Variants in NXPE2 observed in about 807,000 individuals in gnomAD.
The protein encoded by NXPE2 is neurexophilin and PC-esterase domain family member 2.
A neutral mutation model predicts 34.4 loss-of-function variants in NXPE2; 34 were observed. The observed-to-expected ratio is 0.99, with a 90% CI of 0.75 to 1.31. The LOEUF is 1.31. Among genes scored for constraint, NXPE2 ranks in the 40% most tolerant of loss-of-function variants. The pLI is 0.00. For missense variants in NXPE2, 649 were observed against 672.5 expected, an observed-to-expected ratio of 0.97 and a Z score of 0.39; for synonymous variants, 235 against 231.3, an observed-to-expected ratio of 1.02 and a Z score of -0.15.
At chr11:114,630,687 C>A in the NXPE2 span, among the ~76,000 whole-genome samples, 2 of 150,956 alleles carry the variant, frequency 1.3e-5, no homozygotes, top group African/African-American at 4.9e-5. Context: ...TCTAATTAAA[C>A]TAAAGAGCTT....
At chr11:114,619,139 G>A in the NXPE2 span, among the ~76,000 whole-genome samples, 1 of 152,030 alleles carries the variant, frequency 6.6e-6, no homozygotes, top group East Asian at 1.9e-4. Context: ...GGTAACCACT[G>A]TTACCCAGTG....
the NXPE2 span, among the ~76,000 whole-genome samples, chr11:114,557,634 CATATATATATATATATATATATATAT>C: frequency 4.7e-5 from 6 of 128,452 alleles, no homozygotes; most frequent in Admixed American, 8.4e-5. Context: ...ATATATAATA[CATATATATATATATATATATATATAT>C]ATATATATAT....
At chr11:114,778,296 A>G in the NXPE2 span, among the ~76,000 whole-genome samples, 1 of 152,204 alleles carries the variant, frequency 6.6e-6, no homozygotes. Flanking sequence ...AGGATGAGAG[A>G]GTTAGACAGG....
At chr11:114,569,660 C>T in the NXPE2 span, among the ~76,000 whole-genome samples, 3 of 152,204 alleles carry the variant, frequency 2.0e-5, no homozygotes, top group South Asian at 4.2e-4. Context: ...CTGGGTCTTG[C>T]GCTGTCACTC....
chr11:114,745,703 A>T, the NXPE2 span, among the ~76,000 whole-genome samples: 3 of 152,212 alleles, frequency 2.0e-5, no homozygotes, highest in Non-Finnish European at 4.4e-5. Context: ...TGTGACTTTA[A>T]ATTCCATGAG....
Position 114,706,752 on chromosome 11 carries a change from T to C in NXPE2, c.1502T>C (p.Met501Thr), listed in dbSNP as rs1320972199. 3 of 1,552,270 alleles carry C rather than the reference T, an allele frequency of 1.9e-6. No individual in the cohort carries two copies. In the African/African-American group the frequency reaches 4.1e-5, roughly 21 times the overall value. Residue 501 changes from methionine to threonine, a missense_variant, in exon 6 of 6, where the codon ATG becomes ACG. Transcript: ENST00000389586. The stretch of plus-strand genomic sequence containing the variant: ...AGAGAGATAGAACAAAATGCAGAGA[T>C]GTTCAGTGACTTTCATGGCTATATT... Reference protein sequence around the residue: ...NTREIEQNAEMFSDFHGYIQN... With the variant: ...NTREIEQNAETFSDFHGYIQN...
At chr11:114,483,702 C>T in the NXPE2 span, among the ~76,000 whole-genome samples, 1 of 152,146 alleles carries the variant, frequency 6.6e-6, no homozygotes, top group Non-Finnish European at 1.5e-5. Flanking sequence ...ACAGTTTAAG[C>T]GGGTATCTTT....
At position 114,698,101 on chromosome 11, in the gene NXPE2, A is replaced by T. The variant is rs1294597409; in HGVS notation, c.189A>T (p.Lys63Asn). 6.2e-7 allele frequency: 1 copy of T among 1,608,258 alleles called. No individual in the cohort carries two copies. Among genetic ancestry groups the T allele is most frequent in the Non-Finnish European group, 8.5e-7 (1 of 1,176,788 alleles). The part of the protein sequence containing the change: ...IILNQGNIFK[K>N]YSHSETPLCP... ...TGAACCAAGGGAACATCTTCAAAAA[A>T]TATTCACACTCTGAAACACCACTGT... The change falls in exon 3 of 6, where the codon AAA becomes AAT. Residue 63 changes from lysine (K) to asparagine (N), a missense_variant. Lys to Asn is a moderately conservative substitution (Grantham distance 94). Transcript: ENST00000389586.
the NXPE2 span, among the ~76,000 whole-genome samples, chr11:114,806,809 G>A: frequency 6.6e-6 from 1 of 151,870 alleles, no homozygotes; most frequent in Non-Finnish European, 1.5e-5. Flanking sequence ...TAGCAAGGCA[G>A]GCCAACATTC....
the NXPE2 span, among the ~76,000 whole-genome samples, chr11:114,589,988 C>G: frequency 2.4e-4 from 37 of 152,300 alleles, no homozygotes; most frequent in African/African-American, 8.9e-4. Flanking sequence ...TTAAAGGATG[C>G]CTTTTTCTGC....
chr11:114,764,820 A>C, the NXPE2 span, among the ~76,000 whole-genome samples: 1 of 152,160 alleles, frequency 6.6e-6, no homozygotes, highest in African/African-American at 2.4e-5. Flanking sequence ...CACTCATGCT[A>C]CGTGGCCATT....
the NXPE2 span, among the ~76,000 whole-genome samples, chr11:114,806,314 C>A: frequency 1.3e-5 from 2 of 152,216 alleles, no homozygotes; most frequent in Non-Finnish European, 2.9e-5. Context: ...GAATGCAGCT[C>A]CTCACCAGCA....
At chr11:114,637,800 C>A in the NXPE2 span, among the ~76,000 whole-genome samples, 2 of 152,036 alleles carry the variant, frequency 1.3e-5, no homozygotes, top group Middle Eastern at 3.2e-3. Flanking sequence ...CCCCCACTCT[C>A]TTCTGGCTTG....
At chr11:114,579,192 G>A in the NXPE2 span, among the ~76,000 whole-genome samples, 1 of 152,168 alleles carries the variant, frequency 6.6e-6, no homozygotes, top group Non-Finnish European at 1.5e-5. Context: ...GAGCAAGAGA[G>A]ATGCCAGGCT....
chr11:114,806,339 G>A, the NXPE2 span, among the ~76,000 whole-genome samples: 1 of 152,238 alleles, frequency 6.6e-6, no homozygotes, highest in Non-Finnish European at 1.5e-5. Context: ...AACAAAGCTA[G>A]ACAGAGAATG....
At chr11:114,752,329 C>T in the NXPE2 span, among the ~76,000 whole-genome samples, 3 of 152,282 alleles carry the variant, frequency 2.0e-5, no homozygotes, top group East Asian at 3.9e-4. Flanking sequence ...GTTCATGCAG[C>T]GGTCTGCAGG....
the NXPE2 span, among the ~76,000 whole-genome samples, chr11:114,794,021 T>G: frequency 6.6e-6 from 1 of 152,164 alleles, no homozygotes; most frequent in African/African-American, 2.4e-5. Flanking sequence ...CTGTTGGGAT[T>G]ATTGCTCTGA....
chr11:114,597,802 G>T, the NXPE2 span, among the ~76,000 whole-genome samples: 1 of 152,126 alleles, frequency 6.6e-6, no homozygotes. Flanking sequence ...GATGACCAAA[G>T]TTGCAACAAT....
At chr11:114,621,149 A>G in the NXPE2 span, among the ~76,000 whole-genome samples, 1 of 152,096 alleles carries the variant, frequency 6.6e-6, no homozygotes, top group Non-Finnish European at 1.5e-5. Flanking sequence ...ATGGGTAAAC[A>G]CTGTTACCCA....
Sources: allele counts gnomAD v4.1 joint callset (sites outside exome capture counted in the v4.1 genomes callset), GRCh38; gene constraint gnomAD v4.1.1; transcripts MANE v1.5; gene names NCBI Gene and HGNC (gene_info 2026-07-23, HGNC 2026-07-21).